Variants in SLC24A4 observed in about 807,000 individuals in gnomAD.
The protein encoded by SLC24A4 is solute carrier family 24 member 4, also known as sodium/potassium/calcium exchanger 4.
Under a neutral mutation model 79.0 loss-of-function variants are expected in SLC24A4, and 53 were observed. The observed-to-expected ratio is 0.67, with a 90% CI of 0.54 to 0.84. The LOEUF (loss-of-function observed/expected upper bound fraction) is 0.84, where lower values mean the gene tolerates loss of function less well. Among genes scored for constraint, SLC24A4 ranks in the 40% least tolerant of loss-of-function variants. SLC24A4 has a pLI of 0.00. For synonymous variants in SLC24A4, 323 were observed against 323.8 expected, an observed-to-expected ratio of 1.00 and a Z score of 0.03; for missense variants, 731 against 822.0, an observed-to-expected ratio of 0.89 and a Z score of 1.35.
intron 2 of SLC24A4, among the ~76,000 whole-genome samples, chr14:92,373,240 C>G (rs1231473846): frequency 6.6e-6 from 1 of 151,506 alleles, no homozygotes; most frequent in Non-Finnish European, 1.5e-5. Flanking sequence ...AACGGGGTTT[C>G]ACCATGTTGG....
At chr14:92,472,037 C>G (rs761425972) in intron 12 of SLC24A4, among the ~76,000 whole-genome samples, 1 of 152,124 alleles carries the variant, frequency 6.6e-6, no homozygotes, top group Non-Finnish European at 1.5e-5. Flanking sequence ...TCCCAGGGCC[C>G]TTCAGTTCTC....
chr14:92,345,252 G>A (rs548503317), intron 2 of SLC24A4, among the ~76,000 whole-genome samples: 6 of 152,320 alleles, frequency 3.9e-5, no homozygotes, highest in African/African-American at 1.4e-4. Flanking sequence ...CTCTGAAGTT[G>A]GACTGTGGAG....
chr14:92,420,975 C>A (rs956408093), intron 2 of SLC24A4, among the ~76,000 whole-genome samples: 1 of 152,138 alleles, frequency 6.6e-6, no homozygotes, highest in Non-Finnish European at 1.5e-5. Context: ...GCCCTCACTG[C>A]TCCTCGGGCT....
Position 92,353,994 on chromosome 14 carries a change from C to T in SLC24A4, c.241+28016C>T, listed in dbSNP as rs1422647485. Reference sequence around the variant, plus strand: ...CAGTCACTTGCTAAGAGAAATTAAGCTAAATTGCCTCCGGTTTTGTGTCCC... The same window carrying T: ...CAGTCACTTGCTAAGAGAAATTAAGTTAAATTGCCTCCGGTTTTGTGTCCC... On this transcript the variant is annotated intron_variant, in intron 2 of 16. Transcript: ENST00000532405. This position sits in a 1 kb window ranked among gnomAD's most constrained non-coding sequence, Gnocchi z 4.1. Among the ~76,000 whole-genome samples the T allele has an allele frequency of 6.6e-6, 1 of 152,170 alleles. No homozygotes were observed. The highest frequency in any genetic ancestry group is 2.4e-5 in the African/African-American group (1 of 41,444).
At chr14:92,430,570 G>A (rs1014097630) in intron 2 of SLC24A4, among the ~76,000 whole-genome samples, 29 of 152,212 alleles carry the variant, frequency 1.9e-4, no homozygotes, top group South Asian at 6.2e-4. Context: ...GCTCACAGTC[G>A]AGGATGGGTG....
intron 2 of SLC24A4, among the ~76,000 whole-genome samples, chr14:92,419,252 G>A (rs369734041): frequency 2.7e-4 from 41 of 152,318 alleles, no homozygotes; most frequent in East Asian, 1.9e-3. Context: ...GAGCTAGAGC[G>A]TGCCAGAGGT....
chr14:92,357,763 G>A (rs760758364), intron 2 of SLC24A4, among the ~76,000 whole-genome samples: 2 of 152,198 alleles, frequency 1.3e-5, no homozygotes, highest in Non-Finnish European at 2.9e-5. Context: ...GGCGCTGGAC[G>A]GGGGTGATGG....
chr14:92,449,156 G>A lies in SLC24A4; in HGVS notation c.820G>A (p.Ala274Thr), dbSNP rs1892983865. 2.5e-6 allele frequency: 4 copies of A among 1,614,072 alleles called. No homozygotes were observed. In the Admixed American group the frequency reaches 6.7e-5, roughly 27 times the overall value. The change falls in exon 10 of 17, where the codon GCT becomes ACT. Residue 274 changes from alanine to threonine, a missense_variant. By Grantham distance (58) the Ala-to-Thr change is moderately conservative. Coordinates refer to ENST00000532405, the MANE Select transcript of SLC24A4 (RefSeq NM_153646.4). The stretch of plus-strand genomic sequence containing the variant: ...TAACCCGGTCAACAGTGAGCTGGAG[G>A]CTGGTAATGATTTCTATGACGGTAG... ...NGNPVNSELE[A>T]GNDFYDGSYD... is the part of the protein sequence containing the mutation.
intron 13 of SLC24A4, among the ~76,000 whole-genome samples, chr14:92,483,221 G>A (rs1205474241): frequency 6.6e-6 from 1 of 152,152 alleles, no homozygotes; most frequent in Non-Finnish European, 1.5e-5. Flanking sequence ...CAAGGGAGAT[G>A]AGGTTGAACA....
At chr14:92,383,255 C>A (rs1324696332) in intron 2 of SLC24A4, among the ~76,000 whole-genome samples, 1 of 152,226 alleles carries the variant, frequency 6.6e-6, no homozygotes, top group Non-Finnish European at 1.5e-5. Flanking sequence ...GGGCACCCCC[C>A]ACTCTGCAGT....
chr14:92,454,156 C>A, intron 11 of SLC24A4, 87 bp downstream of exon 11: 1 of 1,398,432 alleles, frequency 7.2e-7, no homozygotes, highest in Non-Finnish European at 9.8e-7. Flanking sequence ...TGCCATTGAT[C>A]ACTGCACCTG....
At chr14:92,354,050 G>A (rs1178813515) in intron 2 of SLC24A4, among the ~76,000 whole-genome samples, 1 of 152,232 alleles carries the variant, frequency 6.6e-6, no homozygotes, top group African/African-American at 2.4e-5. Flanking sequence ...AGAACTGCCG[G>A]TGGAAACCTG....
intron 12 of SLC24A4, among the ~76,000 whole-genome samples, chr14:92,458,604 A>G (rs1893622324): frequency 6.6e-6 from 1 of 152,162 alleles, no homozygotes. Flanking sequence ...GAAGATTTCT[A>G]CATGGCAGGG....
In SLC24A4 at chr14:92,499,127, A is replaced by C. The variant is rs1453103989; in HGVS notation, c.*5499A>C. 6.6e-6 allele frequency: 1 copy of C among 152,230 alleles called. No individual in the cohort carries two copies. Among genetic ancestry groups the C allele is most frequent in the African/African-American group, 2.4e-5 (1 of 41,458 alleles). The allele number at this position is 152,230 out of a possible 1,614,324, so 9.4% of individuals were successfully genotyped here. Reference sequence around the variant, plus strand: ...TGCCATAGTCTCTGTTAAATCCTCAAACATTCACAAGCACACACTGCCAGG... The same window carrying C: ...TGCCATAGTCTCTGTTAAATCCTCACACATTCACAAGCACACACTGCCAGG... On this transcript the variant is annotated 3_prime_UTR_variant, in exon 17 of 17. Transcript: ENST00000532405.
chr14:92,425,854 C>T (rs772315103), intron 2 of SLC24A4, among the ~76,000 whole-genome samples: 1 of 152,104 alleles, frequency 6.6e-6, no homozygotes, highest in Non-Finnish European at 1.5e-5. Flanking sequence ...TGATAGTGCA[C>T]ACCTGTAGTC....
intron 3 of SLC24A4, 120 bp downstream of exon 3, chr14:92,434,108 C>T (rs112704160): frequency 7.6e-5 from 60 of 786,800 alleles, no homozygotes; most frequent in South Asian, 2.7e-4. Context: ...GTGAGGAGAG[C>T]GGAGACTGGG....
At chr14:92,432,973 C>T (rs2402141) in intron 2 of SLC24A4, among the ~76,000 whole-genome samples, 27,833 of 152,090 alleles carry the variant, frequency 0.18, 3,039 homozygotes, top group East Asian at 0.55. Flanking sequence ...TAAGATGAGA[C>T]GATACATATT....
At chr14:92,405,342 C>G (rs1371605905) in intron 2 of SLC24A4, among the ~76,000 whole-genome samples, 18 of 152,162 alleles carry the variant, frequency 1.2e-4, no homozygotes, top group Admixed American at 1.2e-3. Flanking sequence ...ACTGAACAAT[C>G]AAGTAGAAAC....
intron 12 of SLC24A4, among the ~76,000 whole-genome samples, chr14:92,471,551 C>T (rs536355793): frequency 6.6e-6 from 1 of 152,134 alleles, no homozygotes; most frequent in South Asian, 2.1e-4. Flanking sequence ...CAAGGTTGAC[C>T]CTTGTTATAT....
Sources: gnomAD v4.1 joint callset for allele counts (sites outside exome capture counted in the v4.1 genomes callset) on GRCh38, gnomAD v4.1.1 for gene constraint, Gnocchi (gnomAD v3.1) non-coding constraint, MANE v1.5 for transcripts, NCBI Gene and HGNC (gene_info 2026-07-23, HGNC 2026-07-21) for gene names.